Variants in IGSF10 observed in about 807,000 individuals in gnomAD.
The protein encoded by IGSF10 is calvaria mechanical force protein 608.
Under a neutral mutation model 128.2 loss-of-function variants are expected in IGSF10, and 126 were observed. That is an observed-to-expected ratio of 0.98 (90% CI 0.85 to 1.14). The LOEUF is 1.14. IGSF10 is among the 50% of genes most tolerant of loss of function. The probability of loss-of-function intolerance (pLI) is 0.00; values close to 1 mark genes in which losing one functional copy is unlikely to be tolerated. For synonymous variants in IGSF10, 1,185 were observed against 1,146.2 expected, an observed-to-expected ratio of 1.03 and a Z score of -0.68; for missense variants, 3,295 against 3,149.8, an observed-to-expected ratio of 1.05 and a Z score of -1.10.
the IGSF10 span, among the ~76,000 whole-genome samples, chr3:151,505,078 C>T: frequency 6.6e-6 from 1 of 152,146 alleles, no homozygotes; most frequent in Non-Finnish European, 1.5e-5. Context: ...TTTTGGGTAT[C>T]CCTATAGTAG....
chr3:151,477,413 T>C, the IGSF10 span, among the ~76,000 whole-genome samples: 1 of 152,156 alleles, frequency 6.6e-6, no homozygotes, highest in East Asian at 1.9e-4. Context: ...ATAGAATAAA[T>C]GGGGAAGTTT....
the IGSF10 span, among the ~76,000 whole-genome samples, chr3:151,503,434 A>G: frequency 1.3e-5 from 2 of 152,284 alleles, no homozygotes; most frequent in Non-Finnish European, 2.9e-5. Flanking sequence ...ATTTGAAAAT[A>G]CAAGTGGAAT....
chr3:151,516,461 C>T, the IGSF10 span, among the ~76,000 whole-genome samples: 1 of 152,020 alleles, frequency 6.6e-6, no homozygotes, highest in Non-Finnish European at 1.5e-5. Context: ...TTGCAGCCAG[C>T]CTTATATGTG....
At chr3:151,528,397 T>TA in the IGSF10 span, among the ~76,000 whole-genome samples, 42 of 152,156 alleles carry the variant, frequency 2.8e-4, no homozygotes, top group African/African-American at 9.2e-4. Context: ...AAATTAGGTA[T>TA]GGGGGACTTG....
At position 151,436,631 on chromosome 3, in the gene IGSF10, T is replaced by C. The variant is rs983302480; in HGVS notation, c.*58A>G. On this transcript the variant is annotated 3_prime_UTR_variant, in exon 8 of 8. Transcript: ENST00000282466. ...TTTACATGCCTATGGCTGCCTTTGA[T>C]TAAACTTCTTCCAAAAAATAAATTC... The C allele has an allele frequency of 3.9e-6, 5 of 1,275,722 alleles. No individual in the cohort carries two copies. In the African/African-American group the frequency reaches 4.5e-5, roughly 11 times the overall value. 79.0% of individuals were successfully genotyped at this position (1,275,722 alleles called of 1,614,324 possible). A position where few individuals can be genotyped will look rare whatever the true frequency, so the allele number is the denominator to read the frequency against.
the IGSF10 span, among the ~76,000 whole-genome samples, chr3:151,609,487 T>G: frequency 6.6e-6 from 1 of 152,054 alleles, no homozygotes; most frequent in South Asian, 2.1e-4. Flanking sequence ...GCATTCCCAT[T>G]ACTCAGTATA....
the IGSF10 span, among the ~76,000 whole-genome samples, chr3:151,537,271 G>A: frequency 6.6e-6 from 1 of 152,170 alleles, no homozygotes; most frequent in Admixed American, 6.5e-5. Context: ...AGCAACATAG[G>A]TAGTAAAGAA....
At chr3:151,468,216 G>A in the IGSF10 span, among the ~76,000 whole-genome samples, 1 of 152,158 alleles carries the variant, frequency 6.6e-6, no homozygotes, top group Admixed American at 6.5e-5. Context: ...CTGAATTGGT[G>A]GCTTTAGCTG....
the IGSF10 span, among the ~76,000 whole-genome samples, chr3:151,574,487 C>T: frequency 2.2e-3 from 337 of 152,194 alleles, 1 homozygote; most frequent in African/African-American, 7.4e-3. Context: ...TCACTGACAC[C>T]CTTTCTTCCA....
chr3:151,435,153 T>C (rs1419857080), downstream of IGSF10: 1 of 151,436 alleles, frequency 6.6e-6, no homozygotes, highest in East Asian at 1.9e-4. Flanking sequence ...AACCTGGTAC[T>C]TTACCTTACC....
chr3:151,583,658 T>C, the IGSF10 span, among the ~76,000 whole-genome samples: 1 of 152,220 alleles, frequency 6.6e-6, no homozygotes, highest in African/African-American at 2.4e-5. Context: ...CACACTAACA[T>C]GGCACACGTA....
the IGSF10 span, among the ~76,000 whole-genome samples, chr3:151,615,585 A>T: frequency 2.6e-5 from 4 of 152,148 alleles, no homozygotes; most frequent in South Asian, 2.1e-4. Flanking sequence ...CTTAATGAGA[A>T]CCTAACAGTG....
At chr3:151,458,162 A>G (rs1476198368) in intron 3 of IGSF10, among the ~76,000 whole-genome samples, 1 of 152,108 alleles carries the variant, frequency 6.6e-6, no homozygotes, top group Non-Finnish European at 1.5e-5. Context: ...ATATAGGCAG[A>G]CACTTCCAGT....
At chr3:151,533,474 C>A in the IGSF10 span, among the ~76,000 whole-genome samples, 5 of 152,052 alleles carry the variant, frequency 3.3e-5, no homozygotes, top group African/African-American at 7.2e-5. Flanking sequence ...CAATGGAACA[C>A]AACAGAGGCC....
the IGSF10 span, among the ~76,000 whole-genome samples, chr3:151,619,761 A>AT: frequency 2.6e-5 from 4 of 152,126 alleles, no homozygotes; most frequent in Non-Finnish European, 4.4e-5. Flanking sequence ...GCCCTCATGA[A>AT]TTTATTCATC....
the IGSF10 span, among the ~76,000 whole-genome samples, chr3:151,545,481 G>A: frequency 6.6e-6 from 1 of 152,184 alleles, no homozygotes; most frequent in African/African-American, 2.4e-5. Context: ...TAAATAATAG[G>A]CTTTCTATCA....
the IGSF10 span, among the ~76,000 whole-genome samples, chr3:151,581,718 T>C: frequency 6.6e-6 from 1 of 152,234 alleles, no homozygotes; most frequent in South Asian, 2.1e-4. Flanking sequence ...TGAATAAGTT[T>C]ATAGCTTCTT....
chr3:151,556,608 C>A, the IGSF10 span, among the ~76,000 whole-genome samples: 1 of 151,998 alleles, frequency 6.6e-6, no homozygotes, highest in Non-Finnish European at 1.5e-5. Context: ...GAGAAAGGAG[C>A]AGACAGAGTC....
At chr3:151,482,793 A>G in the IGSF10 span, among the ~76,000 whole-genome samples, 2 of 152,208 alleles carry the variant, frequency 1.3e-5, no homozygotes, top group African/African-American at 4.8e-5. Flanking sequence ...AAAAGCCACA[A>G]AAGAAAAGCA....
Sources: allele counts gnomAD v4.1 joint callset (sites outside exome capture counted in the v4.1 genomes callset), GRCh38; gene constraint gnomAD v4.1.1; transcripts MANE v1.5; gene names NCBI Gene and HGNC (gene_info 2026-07-23, HGNC 2026-07-21).